Variants in ZNF532 observed in about 807,000 individuals in gnomAD.
ZNF532 encodes the protein zinc finger protein 532.
Under a neutral mutation model 89.3 loss-of-function variants are expected in ZNF532, and 22 were observed. The observed-to-expected ratio is 0.25, with a 90% CI of 0.18 to 0.35. The LOEUF is 0.35. ZNF532 is among the 10% of genes least tolerant of loss of function. The probability of loss-of-function intolerance (pLI) is 1.00; values close to 1 mark genes in which losing one functional copy is unlikely to be tolerated. For synonymous variants in ZNF532, 606 were observed against 649.6 expected (o/e 0.93, Z 1.02); for missense variants, 1,132 against 1,643.4 (o/e 0.69, Z 5.38).
At chr18:58,971,366 A>C (rs986993046) in intron 7 of ZNF532, among the ~76,000 whole-genome samples, 2 of 152,222 alleles carry the variant, frequency 1.3e-5, no homozygotes, top group African/African-American at 4.8e-5. Context: ...TGAATGATTG[A>C]GACTTGTCTC....
chr18:58,887,441 T>A (rs1228745483), intron 2 of ZNF532, among the ~76,000 whole-genome samples: 4 of 152,232 alleles, frequency 2.6e-5, no homozygotes, highest in African/African-American at 9.6e-5. Context: ...CAATTCTGTT[T>A]TTGACTTTTG....
At chr18:58,946,893 A>G (rs960220547) in intron 5 of ZNF532, among the ~76,000 whole-genome samples, 1 of 152,124 alleles carries the variant, frequency 6.6e-6, no homozygotes, top group African/African-American at 2.4e-5. Flanking sequence ...AACTTTGGAC[A>G]GAGAATTGCA....
At chr18:58,911,343 C>T (rs2060271367) in intron 2 of ZNF532, among the ~76,000 whole-genome samples, 1 of 152,194 alleles carries the variant, frequency 6.6e-6, no homozygotes, top group African/African-American at 2.4e-5. Flanking sequence ...TGTGGGAGAC[C>T]TCTTGACTGG....
At chr18:58,866,960 A>G (rs907485967) in intron 2 of ZNF532, among the ~76,000 whole-genome samples, 3 of 152,242 alleles carry the variant, frequency 2.0e-5, no homozygotes, top group African/African-American at 7.2e-5. Context: ...TCAATTCTCC[A>G]TCATTTCTGA....
At chr18:58,976,075 T>C (rs1476037317) in intron 7 of ZNF532, among the ~76,000 whole-genome samples, 1 of 152,148 alleles carries the variant, frequency 6.6e-6, no homozygotes, top group Non-Finnish European at 1.5e-5. Context: ...TTCGAATAAG[T>C]TTGTATTTAA....
chr18:58,972,416 TACATTGTGCAA>T (rs1568454745), intron 7 of ZNF532, among the ~76,000 whole-genome samples: 5 of 152,224 alleles, frequency 3.3e-5, no homozygotes, highest in Non-Finnish European at 7.3e-5. Flanking sequence ...TTTTCTCTTT[TACATTGTGCAA>T]TAAGCATTTG....
intron 9 of ZNF532, 145 bp downstream of exon 9, chr18:58,981,762 T>C: frequency 2.9e-6 from 3 of 1,052,346 alleles, no homozygotes; most frequent in Non-Finnish European, 4.2e-6. Context: ...CCCACCACTT[T>C]GGGAGGCCGA....
Position 58,891,068 on chromosome 18 carries a change from G to A in ZNF532, c.-18+25489G>A, listed in dbSNP as rs751811514. ...CGAGTAGCTAGGACTACACACGTGC[G>A]CCACCATGCCTGGCTAATTTTTTGT... On this transcript the variant is annotated intron_variant, in intron 2 of 9. Coordinates refer to ENST00000591808, the MANE Select transcript of ZNF532 (RefSeq NM_001375912.1). 9.2e-5 allele frequency among the ~76,000 whole-genome samples: 14 copies of A among 152,180 alleles called. No individual in the cohort carries two copies. In the East Asian group the frequency reaches 1.9e-3, roughly 21 times the overall value.
In ZNF532 at chr18:58,953,585, T is replaced by A. The variant is rs780091186; in HGVS notation, c.2936T>A (p.Ile979Asn). The change falls in exon 7 of 10, where the codon ATT becomes AAT. Residue 979 changes from isoleucine (I) to asparagine (N), a missense_variant. Around this residue, in one of 9 missense-constraint regions of ZNF532, gnomAD observed 415 missense variants for 604.8 expected, o/e 0.69. Transcript: ENST00000591808. Reference protein sequence around the residue: ...PNLGINLPLSIKPATQNSANQ... With the variant: ...PNLGINLPLSNKPATQNSANQ... ...TTGGGTATAAACTTGCCTTTGAGCA[T>A]TAAGCCTGCAACTCAAAATTCAGCA... The A allele has an allele frequency of 5.0e-6, 8 of 1,613,838 alleles. No individual in the cohort carries two copies. The highest frequency in any genetic ancestry group is 6.8e-6 in the Non-Finnish European group (8 of 1,179,786).
intron 2 of ZNF532, among the ~76,000 whole-genome samples, chr18:58,907,514 G>A (rs2060007450): frequency 6.6e-6 from 1 of 151,422 alleles, no homozygotes; most frequent in South Asian, 2.1e-4. Context: ...TTTTTTTTGA[G>A]ATGGAGTTTC....
At chr18:58,874,026 C>G (rs1249805421) in intron 2 of ZNF532, among the ~76,000 whole-genome samples, 1 of 152,072 alleles carries the variant, frequency 6.6e-6, no homozygotes, top group East Asian at 1.9e-4. Flanking sequence ...TGAGCCCTTC[C>G]TACAATCTTA....
chr18:58,959,544 A>G (rs990202232), intron 7 of ZNF532, among the ~76,000 whole-genome samples: 1 of 151,806 alleles, frequency 6.6e-6, no homozygotes, highest in African/African-American at 2.4e-5. Flanking sequence ...GAGCCAGTGC[A>G]CTCGGCCTCA....
intron 5 of ZNF532, among the ~76,000 whole-genome samples, chr18:58,943,158 CTTTTT>C (rs11289347): frequency 1.6e-5 from 2 of 123,122 alleles, no homozygotes; most frequent in Non-Finnish European, 1.7e-5. Flanking sequence ...ATTACTATAT[CTTTTT>C]TTTTTTTTTT....
chr18:58,888,097 C>G (rs1309459405), intron 2 of ZNF532, among the ~76,000 whole-genome samples: 6 of 152,112 alleles, frequency 3.9e-5, no homozygotes, highest in Non-Finnish European at 7.3e-5. Flanking sequence ...ATTATGAAAA[C>G]TTGATATATT....
chr18:58,919,132 C>T lies in ZNF532; in HGVS notation c.845C>T (p.Ala282Val), dbSNP rs755808338. The T allele has an allele frequency of 2.2e-5, 36 of 1,614,042 alleles. No individual in the cohort carries two copies. The highest frequency in any genetic ancestry group is 2.7e-5 in the African/African-American group (2 of 74,908). The part of the protein sequence containing the change: ...AAIAALSAKK[A>V]ASDSCKEPVA... The stretch of plus-strand genomic sequence containing the variant: ...ATCGCGGCTCTCAGCGCTAAAAAGG[C>T]GGCTTCAGACTCCTGCAAAGAACCA... Residue 282 changes from alanine to valine, a missense_variant, in exon 3 of 10, where the codon GCG (alanine) becomes GTG (valine). Transcript: ENST00000591808. This position sits in a 1 kb window ranked among gnomAD's most constrained non-coding sequence, Gnocchi z 6.1.
Position 58,919,090 on chromosome 18 carries a change from C to T in ZNF532, c.803C>T (p.Ser268Leu), listed in dbSNP as rs560084017. Residue 268 changes from serine to leucine, a missense_variant, in exon 3 of 10, where the codon TCG (serine) becomes TTG (leucine). Ser to Leu is a moderately radical substitution (Grantham distance 145, BLOSUM62 -2). Transcript: ENST00000591808. This position sits in a 1 kb window ranked among gnomAD's most constrained non-coding sequence, Gnocchi z 6.1. The part of the protein sequence containing the change: ...PSKTKSSSKL[S>L]SCIAAIAALS... ...AAGACAAAGTCGTCCTCCAAGCTCT[C>T]GTCCTGCATCGCTGCCATCGCGGCT... 93 of 1,614,206 alleles carry T rather than the reference C, an allele frequency of 5.8e-5. No homozygotes were observed. The highest frequency in any genetic ancestry group is 6.9e-5 in the Non-Finnish European group (81 of 1,180,044).
chr18:58,870,308 C>T (rs1293576780), intron 2 of ZNF532, among the ~76,000 whole-genome samples: 1 of 151,990 alleles, frequency 6.6e-6, no homozygotes, highest in Non-Finnish European at 1.5e-5. Flanking sequence ...GGAAGGAGCC[C>T]CCAGAAGCTA....
At chr18:58,908,189 G>A (rs1436569893) in intron 2 of ZNF532, among the ~76,000 whole-genome samples, 2 of 152,168 alleles carry the variant, frequency 1.3e-5, no homozygotes, top group Non-Finnish European at 2.9e-5. Context: ...CATTTTTTAG[G>A]TGGAAAATTT....
At chr18:58,937,708 T>A (rs1202390369) in intron 4 of ZNF532, among the ~76,000 whole-genome samples, 3 of 152,232 alleles carry the variant, frequency 2.0e-5, no homozygotes, top group Admixed American at 2.0e-4. Context: ...TTACATAATC[T>A]TCCTCTTTCA....
Sources: allele counts gnomAD v4.1 joint callset (sites outside exome capture counted in the v4.1 genomes callset), GRCh38; gene constraint gnomAD v4.1.1; regional missense constraint gnomAD v4.1.1; non-coding constraint Gnocchi (gnomAD v3.1); transcripts MANE v1.5; gene names NCBI Gene and HGNC (gene_info 2026-07-23, HGNC 2026-07-21).